Variants in BICD1 observed in about 807,000 individuals in gnomAD.
BICD1 encodes BICD cargo adaptor 1.
Under a neutral mutation model 92.5 loss-of-function variants are expected in BICD1, and 35 were observed. That is an observed-to-expected ratio of 0.38 (90% confidence interval 0.29 to 0.50). BICD1 has a LOEUF of 0.50. BICD1 is among the 20% of genes least tolerant of loss of function. The probability of loss-of-function intolerance (pLI) is 0.93; values close to 1 mark genes in which losing one functional copy is unlikely to be tolerated. For missense variants in BICD1, 950 were observed against 1,189.8 expected (o/e 0.80, Z 2.97); for synonymous variants, 429 against 465.1 (o/e 0.92, Z 1.00).
At chr12:32,330,922 G>A (rs889569952) in intron 5 of BICD1, among the ~76,000 whole-genome samples, 6 of 152,188 alleles carry the variant, frequency 3.9e-5, no homozygotes, top group African/African-American at 9.6e-5. Context: ...ATCACTTGAG[G>A]TCAGGAGTTT....
chr12:32,319,364 C>G (rs1469367778), intron 4 of BICD1, among the ~76,000 whole-genome samples: 3 of 151,932 alleles, frequency 2.0e-5, no homozygotes, highest in Non-Finnish European at 4.4e-5. Context: ...TGGTTTTTGT[C>G]ATGTATTCTA....
chr12:32,276,302 T>C (rs1423385601), intron 2 of BICD1, among the ~76,000 whole-genome samples: 2 of 152,104 alleles, frequency 1.3e-5, no homozygotes, highest in South Asian at 2.1e-4. Flanking sequence ...GAGCAGTCAT[T>C]GGCCAACCTC....
At chr12:32,277,159 C>T (rs897128760) in intron 2 of BICD1, among the ~76,000 whole-genome samples, 2 of 152,044 alleles carry the variant, frequency 1.3e-5, no homozygotes, top group South Asian at 2.1e-4. Flanking sequence ...TTTGGGAGGC[C>T]GAGGGAGGTG....
chr12:32,116,227 T>C (rs539953083), intron 1 of BICD1, among the ~76,000 whole-genome samples: 1 of 152,238 alleles, frequency 6.6e-6, no homozygotes, highest in African/African-American at 2.4e-5. Context: ...CATGTTCTGC[T>C]TATTTACTGC....
chr12:32,339,574 AT>A, intron 8 of BICD1: 1 of 985,238 alleles, frequency 1.0e-6, no homozygotes, highest in Non-Finnish European at 1.2e-6. Context: ...ACTATTTTGC[AT>A]TTTTCTTTCT....
At chr12:32,198,243 G>C (rs1234776618) in intron 1 of BICD1, among the ~76,000 whole-genome samples, 2 of 149,414 alleles carry the variant, frequency 1.3e-5, no homozygotes, top group African/African-American at 2.5e-5. Flanking sequence ...ATTTGGGGGA[G>C]AGCACCAAAT....
chr12:32,262,862 G>A (rs1249658903), intron 2 of BICD1, among the ~76,000 whole-genome samples: 1 of 152,164 alleles, frequency 6.6e-6, no homozygotes, highest in African/African-American at 2.4e-5. Context: ...ACCAAATTTA[G>A]GCTGTGAGTG....
rs115447667 is a variant in BICD1, at chr12:32,274,816, A to G, written c.427-19178A>G. 7.0e-3 allele frequency among the ~76,000 whole-genome samples: 1,067 copies of G among 152,242 alleles called. 14 individuals are homozygous for G. Among genetic ancestry groups the G allele is most frequent in the African/African-American group, 0.024 (1,005 of 41,548 alleles). On this transcript the variant is annotated intron_variant, in intron 2 of 9. Coordinates refer to ENST00000652176, the MANE Select transcript of BICD1 (RefSeq NM_001714.4). Reference sequence around the variant, plus strand: ...CAGTCTGAGTTTGACTCCTGATACCACTTATTTTATTCTAAAACTTTTGGC... The same window carrying G: ...CAGTCTGAGTTTGACTCCTGATACCGCTTATTTTATTCTAAAACTTTTGGC...
intron 4 of BICD1, among the ~76,000 whole-genome samples, chr12:32,322,959 C>G (rs1243169864): frequency 6.6e-6 from 1 of 152,194 alleles, no homozygotes; most frequent in Non-Finnish European, 1.5e-5. Context: ...AACGTTTACA[C>G]TTTCCAGTGC....
intron 2 of BICD1, among the ~76,000 whole-genome samples, chr12:32,233,502 T>A (rs1051398917): frequency 3.9e-5 from 6 of 151,918 alleles, no homozygotes; most frequent in African/African-American, 1.5e-4. Flanking sequence ...GTCCTCTCTC[T>A]TGCCTCCCTC....
At chr12:32,197,156 A>C (rs1944751015) in intron 1 of BICD1, among the ~76,000 whole-genome samples, 1 of 151,872 alleles carries the variant, frequency 6.6e-6, no homozygotes, top group Admixed American at 6.6e-5. Context: ...TTACAGGCAT[A>C]CTTCACCATG....
At chr12:32,369,751 T>C (rs1939661032) in intron 9 of BICD1, among the ~76,000 whole-genome samples, 2 of 151,528 alleles carry the variant, frequency 1.3e-5, no homozygotes, top group South Asian at 2.1e-4. Context: ...TTTTTTTTTT[T>C]TTAAATTAGC....
chr12:32,245,082 C>T (rs1225357390), intron 2 of BICD1, among the ~76,000 whole-genome samples: 5 of 152,038 alleles, frequency 3.3e-5, no homozygotes, highest in African/African-American at 9.7e-5. Context: ...TTCCAAGCCT[C>T]AGTTTTTTCA....
At chr12:32,307,965 G>A (rs549957823) in intron 4 of BICD1, among the ~76,000 whole-genome samples, 1 of 152,294 alleles carries the variant, frequency 6.6e-6, no homozygotes, top group East Asian at 1.9e-4. Context: ...TTTGGTGGCA[G>A]TGCAGAAGAT....
intron 1 of BICD1, among the ~76,000 whole-genome samples, chr12:32,184,226 T>G (rs1449245790): frequency 6.6e-6 from 1 of 152,186 alleles, no homozygotes; most frequent in Non-Finnish European, 1.5e-5. Flanking sequence ...CACTGATGTT[T>G]TTTGCTACTC....
intron 1 of BICD1, among the ~76,000 whole-genome samples, chr12:32,160,527 CAG>C (rs1943567789): frequency 2.6e-5 from 4 of 151,418 alleles, no homozygotes; most frequent in African/African-American, 7.3e-5. Context: ...AGCCTCAATA[CAG>C]TCTGAAAACC....
chr12:32,309,176 A>G (rs910836405), intron 4 of BICD1, among the ~76,000 whole-genome samples: 11 of 152,196 alleles, frequency 7.2e-5, no homozygotes, highest in African/African-American at 2.2e-4. Flanking sequence ...CAAAAACATT[A>G]CAGGATACAT....
At position 32,305,842 on chromosome 12, in the gene BICD1, G is replaced by T. The variant is rs1272669967; in HGVS notation, c.725G>T (p.Arg242Ile). 1 of 1,614,058 alleles carries T rather than the reference G, an allele frequency of 6.2e-7. No individual in the cohort carries two copies. The highest frequency in any genetic ancestry group is 1.3e-5 in the African/African-American group (1 of 74,912). The change falls in exon 4 of 10, where the codon AGA becomes ATA. Residue 242 changes from arginine (R) to isoleucine (I), a missense_variant. Transcript: ENST00000652176. ...GCCCTCGAGACTTTAAAAAATGAAA[G>T]AGAGCAAAAGAACAACCTGCGGAAG... is the stretch of plus-strand genomic sequence containing the variant. ...EEALETLKNE[R>I]EQKNNLRKEL...
At chr12:32,329,273 T>C (rs1937723230) in intron 5 of BICD1, among the ~76,000 whole-genome samples, 1 of 151,926 alleles carries the variant, frequency 6.6e-6, no homozygotes, top group South Asian at 2.1e-4. Context: ...CCTGGCTAAC[T>C]TTTTGTGGAG....
Sources: allele counts gnomAD v4.1 joint callset (sites outside exome capture counted in the v4.1 genomes callset), GRCh38; gene constraint gnomAD v4.1.1; transcripts MANE v1.5; gene names NCBI Gene and HGNC (gene_info 2026-07-23, HGNC 2026-07-21).